Variants in CPA1 observed in about 807,000 individuals in gnomAD.
CPA1 encodes carboxypeptidase A1 (pancreatic).
In CPA1, 42 loss-of-function variants were observed where a neutral mutation model predicts 48.7. The ratio of observed to expected loss-of-function variants is 0.86; its 90% CI spans 0.67 to 1.11. CPA1 has a LOEUF of 1.11. Ranked by LOEUF, CPA1 falls within the 50% of genes most tolerant of loss-of-function variation. The probability of loss-of-function intolerance (pLI) is 0.00; values close to 1 mark genes in which losing one functional copy is unlikely to be tolerated. For synonymous variants in CPA1, 203 were observed against 217.9 expected (o/e 0.93, Z 0.60); for missense variants, 477 against 544.7 (o/e 0.88, Z 1.24).
chr7:130,381,111 C>G lies in CPA1; in HGVS notation c.79C>G (p.Arg27Gly). ...CACTCTGCCCAGGCATCAGGTGCTCCGAATCTCTGTAGCCGATGAGGCCCA... is the reference window on the plus strand; with the variant it reads ...CACTCTGCCCAGGCATCAGGTGCTCGGAATCTCTGTAGCCGATGAGGCCCA... The part of the protein sequence containing the change: ...KEDFVGHQVL[R>G]ISVADEAQVQ... Residue 27 changes from arginine (R) to glycine (G), a missense_variant, in exon 2 of 10, where the codon CGA becomes GGA. Coordinates refer to ENST00000011292, the MANE Select transcript of CPA1 (RefSeq NM_001868.4). 6.2e-7 allele frequency: 1 copy of G among 1,613,378 alleles called. No individual in the cohort carries two copies. The highest frequency in any genetic ancestry group is 8.5e-7 in the Non-Finnish European group (1 of 1,179,734).
chr7:130,380,988 A>T, intron 1 of CPA1, 110 bp from the exon 2 acceptor site: 1 of 847,102 alleles, frequency 1.2e-6, no homozygotes, highest in African/African-American at 1.7e-5. Flanking sequence ...CCAGAGGACG[A>T]GGCCCAGTCT....
chr7:130,380,974 C>A (rs909852652), intron 1 of CPA1, 124 bp from the exon 2 acceptor site: 1 of 770,182 alleles, frequency 1.3e-6, no homozygotes, highest in South Asian at 1.5e-5. Context: ...GTCCCCTGCC[C>A]AGCCCAGAGG....
At chr7:130,384,928 G>A (rs1414377750) in intron 7 of CPA1, 6 of 613,460 alleles carry the variant, frequency 9.8e-6, no homozygotes, top group Non-Finnish European at 1.7e-5. Context: ...CCACTGAGGA[G>A]CCCGTCTTCC....
intron 3 of CPA1, 25 bp downstream of exon 3, chr7:130,381,888 C>A: frequency 1.3e-6 from 2 of 1,594,590 alleles, no homozygotes; most frequent in Non-Finnish European, 1.7e-6. Context: ...AGCGGCCGCT[C>A]CCTGCAGCCA....
At position 130,388,014 on chromosome 7, in the gene CPA1, T is replaced by C. The variant is rs782511286; in HGVS notation, c.*3T>C. On this transcript the variant is annotated 3_prime_UTR_variant, in exon 10 of 10. Transcript: ENST00000011292. ...ACACCCTGAATCACCCCTACTGAGC[T>C]GACCCTTTGACACCCTTCTTGTCCT... 1 of 1,613,798 alleles carries C rather than the reference T, an allele frequency of 6.2e-7. No homozygotes were observed. Among genetic ancestry groups the C allele is most frequent in the South Asian group, 1.1e-5 (1 of 91,064 alleles).
rs782104190 is a variant in CPA1 at position 130,381,155 on chromosome 7, G to A, written c.123G>A (p.Glu41=). The A allele has an allele frequency of 1.2e-6, 2 of 1,613,378 alleles. No homozygotes were observed. The highest frequency in any genetic ancestry group is 1.1e-5 in the South Asian group (1 of 91,002). ...AGGCCCAGGTACAGAAGGTGAAGGA[G>A]CTGGAGGACCTGGAGCACCTGCAGG... The part of the protein sequence containing the change: ...ADEAQVQKVK[E]LEDLEHLQLD... The change falls in exon 2 of 10, where the codon GAG becomes GAA. Residue 41 remains glutamate, a synonymous_variant. Transcript: ENST00000011292.
At chr7:130,380,935 G>A (rs1192263955) in intron 1 of CPA1, 163 bp from the exon 2 acceptor site, 2 of 644,826 alleles carry the variant, frequency 3.1e-6, no homozygotes, top group African/African-American at 3.6e-5. Flanking sequence ...AGGGAGCCCA[G>A]GCCTCTCCTT....
intron 8 of CPA1, 67 bp downstream of exon 8, chr7:130,385,412 C>T (rs930861044): frequency 4.2e-6 from 6 of 1,434,996 alleles, no homozygotes; most frequent in Admixed American, 3.4e-5. Context: ...GGCTTTCCCC[C>T]ATCAGACCTG....
chr7:130,382,169 T>C lies in CPA1; in HGVS notation c.443T>C (p.Ile148Thr), dbSNP rs781892154. ...ENPHLVSKIQ[I>T]GNTYEGRPIY... ...CCGCACCTTGTCAGCAAGATCCAGA[T>C]TGGCAACACCTATGAAGGGCGTCCC... Residue 148 changes from isoleucine to threonine, a missense_variant, in exon 4 of 10, where the codon ATT becomes ACT. Transcript: ENST00000011292. 1 of 1,614,202 alleles carries C rather than the reference T, an allele frequency of 6.2e-7. No homozygotes were observed. The highest frequency in any genetic ancestry group is 2.2e-5 in the East Asian group (1 of 44,868).
At chr7:130,386,184 G>T (rs1796472343) in intron 9 of CPA1, among the ~76,000 whole-genome samples, 1 of 151,970 alleles carries the variant, frequency 6.6e-6, no homozygotes, top group Admixed American at 6.6e-5. Context: ...TTGGTTGGAT[G>T]GGGTGGAGAG....
chr7:130,384,914 G>A, intron 7 of CPA1: 2 of 609,356 alleles, frequency 3.3e-6, no homozygotes, highest in Non-Finnish European at 5.8e-6. Flanking sequence ...GTGAGAACTG[G>A]TCTCCACTGA....
At chr7:130,381,063 C>G in intron 1 of CPA1, 35 bp from the exon 2 acceptor site, 1 of 1,580,046 alleles carries the variant, frequency 6.3e-7, no homozygotes, top group Non-Finnish European at 8.7e-7. Flanking sequence ...GCAGGTGCAG[C>G]TTGGGTGCTC....
At chr7:130,385,437 A>G in intron 8 of CPA1, 92 bp downstream of exon 8, 1 of 1,155,338 alleles carries the variant, frequency 8.7e-7, no homozygotes, top group Non-Finnish European at 1.3e-6. Context: ...AGGCACAGAC[A>G]CCTCCAGAGT....
intron 3 of CPA1, 95 bp downstream of exon 3, chr7:130,381,958 G>T: frequency 7.9e-7 from 1 of 1,262,772 alleles, no homozygotes; most frequent in South Asian, 1.3e-5. Flanking sequence ...CAGCCTGGGT[G>T]TGCGCAGCGC....
rs782573440 is a variant in CPA1 at position 130,381,825 on chromosome 7, G to A, written c.343G>A (p.Asp115Asn). Reference sequence around the variant, plus strand: ...CTTCCGGTCCCGGGCGCGCTCCACCGACACTTTTAACTACGCCACCTACCA... The same window carrying A: ...CTTCCGGTCCCGGGCGCGCTCCACCAACACTTTTAACTACGCCACCTACCA... ...FAFRSRARST[D>N]TFNYATYHTL... The change falls in exon 3 of 10, where the codon GAC becomes AAC. Residue 115 changes from aspartate to asparagine, a missense_variant. Asp to Asn is a conservative substitution (Grantham distance 23). Coordinates refer to ENST00000011292, the MANE Select transcript of CPA1 (RefSeq NM_001868.4). 9 of 1,614,048 alleles carry A rather than the reference G, an allele frequency of 5.6e-6. No individual in the cohort carries two copies. In the East Asian group the frequency reaches 1.8e-4, roughly 32 times the overall value.
chr7:130,382,115 A>C lies in CPA1; in HGVS notation c.389A>C (p.Asp130Ala), dbSNP rs782428216. The change falls in exon 4 of 10, where the codon GAC becomes GCC. Residue 130 changes from aspartate to alanine, a missense_variant. Physicochemically the swap from Asp to Ala is moderately radical, Grantham distance 126. Transcript: ENST00000011292. ...TCTTCTTTCACACCTCAGATCTATG[A>C]CTTCCTGGACCTGCTGGTGGCGGAG... is the stretch of plus-strand genomic sequence containing the variant. ...ATYHTLEEIY[D>A]FLDLLVAENP... is the part of the protein sequence containing the mutation. 3.3e-5 allele frequency: 53 copies of C among 1,613,842 alleles called. No homozygotes were observed. Among genetic ancestry groups the C allele is most frequent in the Non-Finnish European group, 4.4e-5 (52 of 1,179,866 alleles).
At position 130,388,060 on chromosome 7, in the gene CPA1, C is replaced by A. The variant is rs1195605827; in HGVS notation, c.*49C>A. On this transcript the variant is annotated 3_prime_UTR_variant, in exon 10 of 10. Transcript: ENST00000011292. The stretch of plus-strand genomic sequence containing the variant: ...GTCCTCCTCTCTGGCCCCATCCAGG[C>A]AACCAAATAAAGTTTGAGTGTACCA... 9.5e-6 allele frequency: 15 copies of A among 1,576,480 alleles called. No individual in the cohort carries two copies. Among genetic ancestry groups the A allele is most frequent in the Non-Finnish European group, 1.2e-5 (14 of 1,148,918 alleles).
At chr7:130,384,069 C>T in intron 6 of CPA1, 1 of 509,580 alleles carries the variant, frequency 2.0e-6, no homozygotes. Context: ...GTGGTGACAA[C>T]CAAAATGTCT....
At position 130,383,499 on chromosome 7, in the gene CPA1, C is replaced by T. The variant is rs782077492; in HGVS notation, c.585+7C>T. Reference sequence around the variant, plus strand: ...GGTCTGGTTTGCAAAGAAGGTAAGGCCGGGGAGGTGAGGAGGGCTCTCACC... The same window carrying T: ...GGTCTGGTTTGCAAAGAAGGTAAGGTCGGGGAGGTGAGGAGGGCTCTCACC... On this transcript the variant is annotated splice_region_variant and intron_variant, in intron 5 of 9. Coordinates refer to ENST00000011292, the MANE Select transcript of CPA1 (RefSeq NM_001868.4). 88 of 1,611,330 alleles carry T rather than the reference C, an allele frequency of 5.5e-5. 2 individuals carry two copies. Among genetic ancestry groups the T allele is most frequent in the East Asian group, 4.7e-4 (21 of 44,854 alleles).
Sources: allele counts gnomAD v4.1 joint callset (sites outside exome capture counted in the v4.1 genomes callset), GRCh38; gene constraint gnomAD v4.1.1; transcripts MANE v1.5; gene names NCBI Gene and HGNC (gene_info 2026-07-23, HGNC 2026-07-21).